The following MOBP variants were observed in gnomAD, a reference collection of about 807,000 sequenced individuals.
The protein encoded by MOBP is myelin-associated oligodendrocyte basic protein.
In MOBP, 5 loss-of-function variants were observed where a neutral mutation model predicts 15.0. That is an observed-to-expected ratio of 0.33 (90% CI 0.17 to 0.70). The LOEUF (loss-of-function observed/expected upper bound fraction) is 0.70. MOBP is among the 30% of genes least tolerant of loss of function. MOBP has a pLI of 0.67. For missense variants in MOBP, 188 were observed against 257.8 expected, an observed-to-expected ratio of 0.73 and a Z score of 1.85; for synonymous variants, 88 against 99.0, an observed-to-expected ratio of 0.89 and a Z score of 0.66.
exon 5 of MOBP, chr3:39,514,441 G>C (rs1312216482): frequency 6.6e-6 from 1 of 152,236 alleles, no homozygotes; most frequent in East Asian, 1.9e-4. Flanking sequence ...ACCAGAAGTG[G>C]TGCTCAGAGT....
In MOBP at chr3:39,502,319, G is replaced by C. The variant is rs758486349; in HGVS notation, c.206+44G>C. ...CCGCGGCACCAGTTGGGCACAGCGC[G>C]TGGTCTCGGCTCCCAGCACGCCCCT... On this transcript the variant is annotated intron_variant, in intron 3 of 3. Transcript: ENST00000684792. The surrounding 1 kb of genome is among the most constrained non-coding windows in gnomAD (Gnocchi z 6.3). The C allele has an allele frequency of 5.0e-6, 8 of 1,610,832 alleles. No homozygotes were observed. In the Admixed American group the frequency reaches 6.7e-5, roughly 13 times the overall value.
rs1304134826 is a variant in MOBP, at chr3:39,469,240, GTA to G, written c.-89+1507_-89+1508del. Among the ~76,000 whole-genome samples the G allele has an allele frequency of 1.2e-4, 15 of 128,002 alleles. 3 individuals carry two copies. The highest frequency in any genetic ancestry group is 1.0e-3 in the South Asian group (4 of 4,002). 84.0% of individuals were successfully genotyped at this position (128,002 alleles called of 152,430 possible). On this transcript the variant is annotated intron_variant, in intron 1 of 3. Coordinates refer to ENST00000684792, the MANE Select transcript of MOBP (RefSeq NM_001393704.1). ...TATATACATATATACATATGTGTGT[GTA>G]TATATACATATATGTGTGTGTATAT...
intron 2 of MOBP, among the ~76,000 whole-genome samples, chr3:39,495,768 GA>G (rs2042870545): frequency 1.6e-5 from 2 of 128,128 alleles, no homozygotes; most frequent in Non-Finnish European, 3.4e-5. Flanking sequence ...AAAAAAAAAA[GA>G]AAAGAAAGAG....
At chr3:39,497,151 A>AT (rs1430004966) in intron 2 of MOBP, among the ~76,000 whole-genome samples, 11 of 152,136 alleles carry the variant, frequency 7.2e-5, no homozygotes, top group Admixed American at 2.6e-4. Context: ...GTGAATATAG[A>AT]TTTTTTTAAT....
chr3:39,484,385 C>T (rs1304327457), intron 2 of MOBP, among the ~76,000 whole-genome samples: 2 of 152,028 alleles, frequency 1.3e-5, no homozygotes, highest in African/African-American at 2.4e-5. Flanking sequence ...GTAACTGAGG[C>T]GACCCTTAAA....
chr3:39,472,564 G>A (rs917370280), intron 1 of MOBP, among the ~76,000 whole-genome samples: 2 of 152,192 alleles, frequency 1.3e-5, no homozygotes, highest in Admixed American at 1.3e-4. Context: ...ACTACTCGAA[G>A]GATATTCCCA....
At chr3:39,468,731 CAT>C (rs538046666) in intron 1 of MOBP, among the ~76,000 whole-genome samples, 2,363 of 124,720 alleles carry the variant, frequency 0.019, 86 homozygotes, top group African/African-American at 0.07. Flanking sequence ...TACATATATA[CAT>C]ATGTGTGTGT....
intron 4 of MOBP, among the ~76,000 whole-genome samples, chr3:39,509,650 T>G (rs2043094594): frequency 6.6e-6 from 1 of 152,220 alleles, no homozygotes; most frequent in Non-Finnish European, 1.5e-5. Context: ...TCTCCAGGTC[T>G]GTGACTTGCC....
At chr3:39,517,927 C>T (rs971668705), downstream of MOBP, 5 of 152,086 alleles carry the variant, frequency 3.3e-5, no homozygotes, top group East Asian at 1.9e-4. Context: ...GACATATAAA[C>T]GACATTGGTA....
chr3:39,518,632 G>C (rs2043229784), downstream of MOBP, among the ~76,000 whole-genome samples: 1 of 152,078 alleles, frequency 6.6e-6, no homozygotes, highest in Admixed American at 6.6e-5. Context: ...CTCAGGTGGT[G>C]GCCCATGCTA....
chr3:39,489,905 A>G (rs2125641721), intron 2 of MOBP, among the ~76,000 whole-genome samples: 1 of 152,376 alleles, frequency 6.6e-6, no homozygotes, highest in Non-Finnish European at 1.5e-5. Context: ...TCTTATGTCA[A>G]TACAACCTCT....
downstream of MOBP, among the ~76,000 whole-genome samples, chr3:39,506,969 C>G (rs2043057050): frequency 6.6e-6 from 1 of 152,200 alleles, no homozygotes; most frequent in African/African-American, 2.4e-5. Context: ...CTGTGACTCT[C>G]TTCTTCCTTT....
rs557654037 is a variant in MOBP at position 39,472,638 on chromosome 3, G to A, written c.-89+4898G>A. 1.2e-3 allele frequency among the ~76,000 whole-genome samples: 185 copies of A among 152,230 alleles called. 1 individual carries two copies. The highest frequency in any genetic ancestry group is 4.3e-3 in the African/African-American group (177 of 41,536). ...CTCTCACTCAGCCAAAAAATTGGGC[G>A]CCACTGGCCAGGCATGGTGGCTCAT... On this transcript the variant is annotated intron_variant, in intron 1 of 3. Transcript: ENST00000684792.
intron 4 of MOBP, among the ~76,000 whole-genome samples, chr3:39,508,403 C>T (rs992013292): frequency 1.3e-5 from 2 of 152,198 alleles, no homozygotes; most frequent in Admixed American, 6.5e-5. Context: ...ATGCAGTCAA[C>T]TCCCCAGCCC....
At chr3:39,517,033 C>G (rs556343088), downstream of MOBP, among the ~76,000 whole-genome samples, 3 of 152,218 alleles carry the variant, frequency 2.0e-5, no homozygotes, top group Non-Finnish European at 4.4e-5. Context: ...TGTCTCTGTC[C>G]AGCTAATAAC....
At chr3:39,497,907 C>T (rs1448700924) in intron 2 of MOBP, among the ~76,000 whole-genome samples, 2 of 152,066 alleles carry the variant, frequency 1.3e-5, no homozygotes, top group Non-Finnish European at 2.9e-5. Context: ...CAAATAGAAA[C>T]CAAAAGTGAG....
chr3:39,470,653 G>T (rs58643163), intron 1 of MOBP, among the ~76,000 whole-genome samples: 6,990 of 152,162 alleles, frequency 0.046, 252 homozygotes, highest in African/African-American at 0.097. Context: ...TTTATTAATG[G>T]TATAAAATTA....
chr3:39,470,679 A>G (rs1293784566), intron 1 of MOBP, among the ~76,000 whole-genome samples: 1 of 152,186 alleles, frequency 6.6e-6, no homozygotes, highest in Non-Finnish European at 1.5e-5. Flanking sequence ...ACTCACTAAA[A>G]ATATCAGTTG....
intron 1 of MOBP, among the ~76,000 whole-genome samples, chr3:39,475,459 C>CCATTAGTCAAT (rs2042532645): frequency 6.6e-6 from 1 of 152,106 alleles, no homozygotes; most frequent in Admixed American, 6.6e-5. Context: ...ATTTTAGCAT[C>CCATTAGTCAAT]CATTAGTCAA....
Sources: allele counts gnomAD v4.1 joint callset (sites outside exome capture counted in the v4.1 genomes callset), GRCh38; gene constraint gnomAD v4.1.1; non-coding constraint Gnocchi (gnomAD v3.1); transcripts MANE v1.5; gene names NCBI Gene and HGNC (gene_info 2026-07-23, HGNC 2026-07-21).